CNTNAP2: variants seen among roughly 807,000 people sequenced by gnomAD.
The protein encoded by CNTNAP2 is contactin-associated protein-like 2.
A neutral mutation model predicts 155.2 loss-of-function variants in CNTNAP2; 98 were observed. The observed-to-expected ratio is 0.63, with a 90% CI of 0.54 to 0.75. CNTNAP2 has a LOEUF of 0.75. CNTNAP2 is among the 30% of genes least tolerant of loss of function. The pLI, the probability that CNTNAP2 is intolerant of heterozygous loss-of-function variation, is 0.00. For synonymous variants in CNTNAP2, 651 were observed against 631.2 expected (o/e 1.03, Z -0.47); for missense variants, 1,727 against 1,688.1 (o/e 1.02, Z -0.40).
intron 13 of CNTNAP2, among the ~76,000 whole-genome samples, chr7:147,732,181 T>TCCCCCCCCCCCCCCCC (rs199519152): frequency 9.2e-4 from 100 of 108,546 alleles, no homozygotes; most frequent in Non-Finnish European, 1.2e-3. Context: ...ATGCTATCCC[T>TCCCCCCCCCCCCCCCC]CCCCCCCCCA....
At chr7:147,775,083 C>T (rs992159694) in intron 13 of CNTNAP2, among the ~76,000 whole-genome samples, 1 of 150,536 alleles carries the variant, frequency 6.6e-6, no homozygotes, top group African/African-American at 2.4e-5. Context: ...AAGGCTGTAG[C>T]AGGCATTTTG....
intron 1 of CNTNAP2, among the ~76,000 whole-genome samples, chr7:146,451,228 G>A (rs1317876588): frequency 6.6e-6 from 1 of 152,144 alleles, no homozygotes; most frequent in East Asian, 1.9e-4. Flanking sequence ...TTACAGGCGT[G>A]AGCCACCGTG....
At chr7:148,111,153 A>G (rs1804341697) in intron 15 of CNTNAP2, among the ~76,000 whole-genome samples, 1 of 152,188 alleles carries the variant, frequency 6.6e-6, no homozygotes. Flanking sequence ...TTCGGTATAA[A>G]CAGACAGGTG....
rs758769416 is a variant in CNTNAP2 at position 147,138,552 on chromosome 7, C to T, written c.1348+6043C>T. Among the ~76,000 whole-genome samples, 30 of 151,820 alleles carry T rather than the reference C, an allele frequency of 2.0e-4. 1 individual carries two copies. The highest frequency in any genetic ancestry group is 3.8e-4 in the Non-Finnish European group (26 of 67,932). On this transcript the variant is annotated intron_variant, in intron 8 of 23. Coordinates refer to ENST00000361727, the MANE Select transcript of CNTNAP2 (RefSeq NM_014141.6). ...CTAGTGTGGCTGTACCACTATCATG[C>T]GAACTGAGTGGAAATCTACCTTTAA...
In CNTNAP2 at chr7:146,536,474, G is replaced by A. The variant is rs138521804; in HGVS notation, c.98-237797G>A. Among the ~76,000 whole-genome samples the A allele has an allele frequency of 4.8e-3, 724 of 152,058 alleles. 10 individuals carry two copies. The highest frequency in any genetic ancestry group is 0.017 in the African/African-American group (697 of 41,480). ...GGCTTTTCTCTACATTTTTAATGAT[G>A]CATTGGGGGAGGGTGAGGCAATAAG... On this transcript the variant is annotated intron_variant, in intron 1 of 23. Coordinates refer to ENST00000361727, the MANE Select transcript of CNTNAP2 (RefSeq NM_014141.6).
At chr7:148,274,966 C>A (rs1240653327) in intron 21 of CNTNAP2, among the ~76,000 whole-genome samples, 1 of 152,196 alleles carries the variant, frequency 6.6e-6, no homozygotes, top group African/African-American at 2.4e-5. Context: ...GTCTCTGCTG[C>A]ATAGTATGTG....
At chr7:148,128,325 A>G (rs1424297455) in intron 16 of CNTNAP2, among the ~76,000 whole-genome samples, 2 of 152,164 alleles carry the variant, frequency 1.3e-5, no homozygotes, top group African/African-American at 2.4e-5. Flanking sequence ...GGTCATTACT[A>G]TACATAAGAA....
chr7:146,697,249 T>C (rs1800797286), intron 1 of CNTNAP2, among the ~76,000 whole-genome samples: 1 of 151,668 alleles, frequency 6.6e-6, no homozygotes, highest in Non-Finnish European at 1.5e-5. Flanking sequence ...ATTTATTTAT[T>C]TATTTTGAGA....
intron 1 of CNTNAP2, among the ~76,000 whole-genome samples, chr7:146,345,010 G>A (rs1794798405): frequency 6.6e-6 from 1 of 152,118 alleles, no homozygotes; most frequent in Admixed American, 6.6e-5. Context: ...ATGAACAGAT[G>A]GTTCTGCATT....
intron 13 of CNTNAP2, among the ~76,000 whole-genome samples, chr7:147,650,457 C>A (rs1795432944): frequency 6.6e-6 from 1 of 152,032 alleles, no homozygotes; most frequent in South Asian, 2.1e-4. Context: ...CAAGACCAAC[C>A]CCTCCTCTTC....
intron 9 of CNTNAP2, among the ~76,000 whole-genome samples, chr7:147,369,341 C>T (rs921884321): frequency 1.3e-5 from 2 of 152,202 alleles, no homozygotes; most frequent in Admixed American, 1.3e-4. Flanking sequence ...CCAAGCTAAA[C>T]GTGTCTCATT....
Position 146,219,090 on chromosome 7 carries a change from T to A in CNTNAP2, c.97+102117T>A, listed in dbSNP as rs183121869. The stretch of plus-strand genomic sequence containing the variant: ...AGACGCCAGGACCTTCTTCGCAGGG[T>A]GACAGGAAAGACAGAAAAGTTCAGG... On this transcript the variant is annotated intron_variant, in intron 1 of 23. Transcript: ENST00000361727. Among the ~76,000 whole-genome samples, 252 of 152,078 alleles carry A rather than the reference T, an allele frequency of 1.7e-3. 1 individual carries two copies. Among genetic ancestry groups the A allele is most frequent in the South Asian group, 4.0e-3 (19 of 4,808 alleles).
intron 12 of CNTNAP2, among the ~76,000 whole-genome samples, chr7:147,591,680 T>G (rs1192942132): frequency 2.0e-5 from 3 of 152,276 alleles, no homozygotes; most frequent in African/African-American, 7.2e-5. Flanking sequence ...AGCAGAATAG[T>G]CCTACAAAAA....
At chr7:146,819,058 TCTG>T (rs1310185291) in intron 2 of CNTNAP2, among the ~76,000 whole-genome samples, 1 of 152,150 alleles carries the variant, frequency 6.6e-6, no homozygotes, top group Non-Finnish European at 1.5e-5. Flanking sequence ...AGATTCATAT[TCTG>T]CTTTTTAAAA....
chr7:148,120,898 G>C (rs1248562910), intron 16 of CNTNAP2, among the ~76,000 whole-genome samples: 1 of 152,144 alleles, frequency 6.6e-6, no homozygotes, highest in African/African-American at 2.4e-5. Flanking sequence ...GCCTCATGGA[G>C]AGGGAGGCAG....
At chr7:147,900,318 G>T (rs1315011530) in intron 13 of CNTNAP2, among the ~76,000 whole-genome samples, 2 of 152,122 alleles carry the variant, frequency 1.3e-5, no homozygotes, top group Non-Finnish European at 2.9e-5. Flanking sequence ...GATCATGAGG[G>T]CTATTCCCCC....
chr7:146,642,748 T>G (rs969170365), intron 1 of CNTNAP2, among the ~76,000 whole-genome samples: 2 of 152,120 alleles, frequency 1.3e-5, no homozygotes, highest in African/African-American at 2.4e-5. Flanking sequence ...ACTTCCACAA[T>G]GGTTGAACTA....
At chr7:146,781,245 A>C (rs992237035) in intron 2 of CNTNAP2, among the ~76,000 whole-genome samples, 2 of 151,502 alleles carry the variant, frequency 1.3e-5, no homozygotes, top group African/African-American at 4.9e-5. Context: ...AAAAAACAAA[A>C]AAAAAACACC....
chr7:147,061,059 A>T (rs1799660497), intron 4 of CNTNAP2, among the ~76,000 whole-genome samples: 1 of 135,714 alleles, frequency 7.4e-6, no homozygotes, highest in African/African-American at 3.6e-5. Context: ...AACTTATATA[A>T]GGCATCTAAA....
Sources: allele counts gnomAD v4.1 joint callset (sites outside exome capture counted in the v4.1 genomes callset), GRCh38; gene constraint gnomAD v4.1.1; transcripts MANE v1.5; gene names NCBI Gene and HGNC (gene_info 2026-07-23, HGNC 2026-07-21).